The following FRY variants were observed in gnomAD, a reference collection of about 807,000 sequenced individuals.
FRY encodes protein furry homolog.
In FRY, 128 loss-of-function variants were observed where a neutral mutation model predicts 348.4. The observed-to-expected ratio is 0.37, with a 90% CI of 0.32 to 0.43. The LOEUF (loss-of-function observed/expected upper bound fraction) is 0.43, where lower values mean the gene tolerates loss of function less well. FRY is among the 20% of genes least tolerant of loss of function. The probability of loss-of-function intolerance (pLI) is 1.00; values close to 1 mark genes in which losing one functional copy is unlikely to be tolerated. For synonymous variants in FRY, 1,370 were observed against 1,374.7 expected (o/e 1.00, Z 0.08); for missense variants, 2,736 against 3,695.2 (o/e 0.74, Z 6.73).
chr13:32,121,320 A>G (rs937926460), intron 4 of FRY, among the ~76,000 whole-genome samples: 4 of 152,174 alleles, frequency 2.6e-5, no homozygotes, highest in African/African-American at 4.8e-5. Flanking sequence ...TGGTAATTCT[A>G]CTTTTAGTTC....
At chr13:32,094,534 A>G (rs1320971754) in intron 2 of FRY, among the ~76,000 whole-genome samples, 2 of 151,694 alleles carry the variant, frequency 1.3e-5, no homozygotes, top group East Asian at 1.9e-4. Flanking sequence ...CCCAGCCTCT[A>G]ATAAACATCC....
chr13:32,253,692 A>G (rs1430218862), intron 50 of FRY, among the ~76,000 whole-genome samples: 1 of 151,974 alleles, frequency 6.6e-6, no homozygotes, highest in South Asian at 2.1e-4. Context: ...TTACTCACCT[A>G]CTCTTCTATG....
chr13:32,229,223 G>A (rs1885778996), intron 40 of FRY, among the ~76,000 whole-genome samples: 1 of 152,136 alleles, frequency 6.6e-6, no homozygotes, highest in Non-Finnish European at 1.5e-5. Flanking sequence ...TAGGTCTTCT[G>A]GTTCTTCTTA....
intron 36 of FRY, among the ~76,000 whole-genome samples, chr13:32,219,090 T>C (rs942297734): frequency 1.7e-5 from 2 of 116,458 alleles, no homozygotes; most frequent in African/African-American, 3.9e-5. Flanking sequence ...CATATATATA[T>C]ACTTTTTTTT....
chr13:32,232,447 G>A (rs918475589), intron 41 of FRY, among the ~76,000 whole-genome samples: 5 of 152,194 alleles, frequency 3.3e-5, no homozygotes, highest in Admixed American at 2.6e-4. Context: ...CATAGCTGCT[G>A]TAACAAACAG....
intron 49 of FRY, 45 bp from the exon 50 acceptor site, chr13:32,251,833 C>T (rs1172756913): frequency 7.8e-6 from 10 of 1,277,136 alleles, no homozygotes; most frequent in South Asian, 5.9e-5. Flanking sequence ...AGCAGATTTG[C>T]TCACAGGAAC....
chr13:32,129,114 C>G (rs1879200246), intron 7 of FRY, among the ~76,000 whole-genome samples: 1 of 152,064 alleles, frequency 6.6e-6, no homozygotes. Context: ...TGTTGGAGTC[C>G]TTATAAGAAG....
At chr13:32,071,352 A>T (rs1375096007) in intron 1 of FRY, among the ~76,000 whole-genome samples, 1 of 152,150 alleles carries the variant, frequency 6.6e-6, no homozygotes, top group Non-Finnish European at 1.5e-5. Flanking sequence ...TGTGCATTGA[A>T]TGTTCTTCCA....
At chr13:32,130,486 GTGTA>G (rs200697063) in intron 7 of FRY, among the ~76,000 whole-genome samples, 1 of 151,586 alleles carries the variant, frequency 6.6e-6, no homozygotes, top group African/African-American at 2.4e-5. Context: ...GTGTGTGTGT[GTGTA>G]TTTTTTGGTG....
intron 1 of FRY, among the ~76,000 whole-genome samples, chr13:32,045,197 A>G (rs1872958747): frequency 1.3e-5 from 2 of 152,178 alleles, no homozygotes; most frequent in South Asian, 4.1e-4. Flanking sequence ...GAATTTCGCT[A>G]TTAGTCAGTC....
intron 23 of FRY, 118 bp downstream of exon 23, chr13:32,179,917 G>A: frequency 1.0e-6 from 1 of 959,214 alleles, no homozygotes. Context: ...TATAGGCTTT[G>A]TGTGACTTCC....
intron 51 of FRY, among the ~76,000 whole-genome samples, chr13:32,254,705 A>G (rs1887248526): frequency 6.6e-6 from 1 of 152,206 alleles, no homozygotes; most frequent in Non-Finnish European, 1.5e-5. Context: ...AAAAATCACA[A>G]AAAACATTTC....
chr13:32,039,987 A>G (rs1174031970), intron 1 of FRY, among the ~76,000 whole-genome samples: 2 of 152,234 alleles, frequency 1.3e-5, no homozygotes, highest in East Asian at 3.8e-4. Flanking sequence ...CAATTCCAGG[A>G]TTTCTCAGCT....
intron 2 of FRY, 74 bp from the exon 3 acceptor site, chr13:32,101,889 C>A (rs1289321679): frequency 2.2e-6 from 2 of 893,754 alleles, no homozygotes; most frequent in Non-Finnish European, 3.7e-6. Flanking sequence ...AAAAATGGAA[C>A]AATAATGGCA....
chr13:32,079,231 AC>A (rs1439070404), intron 2 of FRY, among the ~76,000 whole-genome samples, 198 bp downstream of exon 2: 1 of 152,220 alleles, frequency 6.6e-6, no homozygotes, highest in East Asian at 1.9e-4. Flanking sequence ...GGATTTTAAA[AC>A]GATCTTCAGC....
At chr13:32,131,212 A>G (rs7330619) in intron 7 of FRY, among the ~76,000 whole-genome samples, 116,656 of 151,760 alleles carry the variant, frequency 0.77, 45,356 homozygotes, top group East Asian at 0.91. Context: ...TAGAATTACA[A>G]GAATACTTGG....
intron 7 of FRY, among the ~76,000 whole-genome samples, chr13:32,127,788 A>AT (rs1879117671): frequency 1.3e-5 from 2 of 152,168 alleles, no homozygotes; most frequent in African/African-American, 4.8e-5. Flanking sequence ...CAAAAAAAAA[A>AT]GTAAAAGATA....
Position 32,171,244 on chromosome 13 carries a change from C to A in FRY, c.2125C>A (p.Gln709Lys). 1 of 1,584,398 alleles carries A rather than the reference C, an allele frequency of 6.3e-7. No individual in the cohort carries two copies. The highest frequency in any genetic ancestry group is 8.6e-7 in the Non-Finnish European group (1 of 1,161,926). ...VIQTQGKVYE[Q>K]ANKIRNSELI... is the part of the protein sequence containing the mutation. ...CCAGACACAAGGAAAAGTCTATGAA[C>A]AAGCCAACAAAATCAGAAATTCAGA... Residue 709 changes from glutamine (Q) to lysine (K), a missense_variant, in exon 18 of 61, where the codon CAA (glutamine) becomes AAA (lysine). By Grantham distance (53) the Gln-to-Lys change is moderately conservative (BLOSUM62 1). Coordinates refer to ENST00000542859, the MANE Select transcript of FRY (RefSeq NM_023037.3).
chr13:32,286,433 A>G (rs1417521198), intron 58 of FRY, among the ~76,000 whole-genome samples: 2 of 152,148 alleles, frequency 1.3e-5, no homozygotes, highest in African/African-American at 4.8e-5. Context: ...AACCAATTCT[A>G]TGATATGGTG....
Sources: gnomAD v4.1 joint callset for allele counts (sites outside exome capture counted in the v4.1 genomes callset) on GRCh38, gnomAD v4.1.1 for gene constraint, MANE v1.5 for transcripts, NCBI Gene and HGNC (gene_info 2026-07-23, HGNC 2026-07-21) for gene names.